The following TAS2R1 variants were observed in gnomAD, a reference collection of about 807,000 sequenced individuals.
TAS2R1 encodes taste 2 receptor member 1.
For missense variants in TAS2R1, 370 were observed against 353.4 expected, an observed-to-expected ratio of 1.05 and a Z score of -0.38; for synonymous variants, 141 against 134.2, an observed-to-expected ratio of 1.05 and a Z score of -0.35.
the TAS2R1 span, among the ~76,000 whole-genome samples, chr5:9,792,698 C>T: frequency 2.0e-5 from 3 of 151,908 alleles, no homozygotes; most frequent in Non-Finnish European, 4.4e-5. Flanking sequence ...AACATGGCAG[C>T]GATCATTAAT....
chr5:9,630,155 C>G lies in TAS2R1; in HGVS notation c.-123G>C. ...TGGGGAAGAAGACTAACAATAAAGG[C>G]ATGGGGCAGGAAGGTGGTGTACATT... On this transcript the variant is annotated 5_prime_UTR_variant, in exon 1 of 1. The change abolishes an upstream ATG in the 5' untranslated region. Coordinates refer to ENST00000382492, the MANE Select transcript of TAS2R1 (RefSeq NM_019599.3). 1 of 776,012 alleles carries G rather than the reference C, an allele frequency of 1.3e-6. No individual in the cohort carries two copies. The highest frequency in any genetic ancestry group is 3.9e-4 in the Middle Eastern group (1 of 2,578). 48.1% of individuals were successfully genotyped at this position (776,012 alleles called of 1,614,324 possible). A position where few individuals can be genotyped will look rare whatever the true frequency, so the allele number is the denominator to read the frequency against.
chr5:9,702,050 T>G (rs1011645812), intron 1 of TAS2R1, among the ~76,000 whole-genome samples: 2 of 152,182 alleles, frequency 1.3e-5, no homozygotes, highest in African/African-American at 4.8e-5. Flanking sequence ...TGAAATCCAC[T>G]CCTAGAGCTG....
chr5:9,761,001 G>A, the TAS2R1 span: 2 of 152,166 alleles, frequency 1.3e-5, no homozygotes, highest in African/African-American at 2.4e-5. Flanking sequence ...GGAGAAAACT[G>A]TCTTCATTCA....
upstream of TAS2R1, among the ~76,000 whole-genome samples, chr5:9,716,545 T>TTATATA (rs5865851): frequency 0.011 from 1,694 of 148,498 alleles, 24 homozygotes; most frequent in African/African-American, 0.04. Context: ...AGTACATATA[T>TTATATA]TATATATATA....
the TAS2R1 span, among the ~76,000 whole-genome samples, chr5:9,778,737 C>A: frequency 6.6e-6 from 1 of 152,250 alleles, no homozygotes; most frequent in Non-Finnish European, 1.5e-5. Flanking sequence ...AGTTTTCTCA[C>A]CTCTCTCAAA....
chr5:9,865,712 C>A, the TAS2R1 span, among the ~76,000 whole-genome samples: 4 of 152,204 alleles, frequency 2.6e-5, no homozygotes, highest in Non-Finnish European at 5.9e-5. Context: ...ATCACTTTAA[C>A]GAGATTATTC....
intron 1 of TAS2R1, among the ~76,000 whole-genome samples, chr5:9,677,941 C>T (rs908530837): frequency 6.6e-6 from 1 of 152,072 alleles, no homozygotes; most frequent in Non-Finnish European, 1.5e-5. Context: ...GTGGCTCATG[C>T]CTATAATCCC....
At chr5:9,900,936 G>A in the TAS2R1 span, among the ~76,000 whole-genome samples, 25 of 152,268 alleles carry the variant, frequency 1.6e-4, 1 homozygote, top group South Asian at 2.9e-3. Flanking sequence ...GCATTCAGCC[G>A]CAACAGAGCA....
At chr5:9,771,235 C>T in the TAS2R1 span, among the ~76,000 whole-genome samples, 1 of 151,666 alleles carries the variant, frequency 6.6e-6, no homozygotes, top group Admixed American at 6.6e-5. Context: ...AGATCTTTGC[C>T]AGATTTTGGC....
At chr5:9,767,345 T>C in the TAS2R1 span, among the ~76,000 whole-genome samples, 8 of 152,152 alleles carry the variant, frequency 5.3e-5, no homozygotes, top group African/African-American at 1.9e-4. Flanking sequence ...CTGACTTGTC[T>C]GAGCTGTCCA....
chr5:9,787,061 A>C, the TAS2R1 span, among the ~76,000 whole-genome samples: 13 of 152,124 alleles, frequency 8.5e-5, no homozygotes, highest in African/African-American at 3.1e-4. Flanking sequence ...TTTTGGCCCA[A>C]GTTTCTCCAC....
intron 1 of TAS2R1, among the ~76,000 whole-genome samples, chr5:9,677,463 T>G (rs1268934427): frequency 2.6e-5 from 4 of 151,406 alleles, no homozygotes; most frequent in Admixed American, 2.6e-4. Context: ...AAAAAAAAAT[T>G]TGCAGGCCTC....
intron 1 of TAS2R1, among the ~76,000 whole-genome samples, chr5:9,698,456 C>T (rs1474697527): frequency 6.6e-6 from 1 of 152,086 alleles, no homozygotes. Context: ...CCCAAAATTC[C>T]TGAGCGATAT....
At chr5:9,780,690 T>TGTGCGC in the TAS2R1 span, among the ~76,000 whole-genome samples, 8 of 151,888 alleles carry the variant, frequency 5.3e-5, no homozygotes, top group African/African-American at 1.9e-4. Flanking sequence ...TGTGTGTGTG[T>TGTGCGC]GCGCGCGCGC....
At chr5:9,885,710 G>T in the TAS2R1 span, among the ~76,000 whole-genome samples, 1 of 152,184 alleles carries the variant, frequency 6.6e-6, no homozygotes, top group South Asian at 2.1e-4. Context: ...AAAAATTAAT[G>T]TGGGAGGTGA....
the TAS2R1 span, among the ~76,000 whole-genome samples, chr5:9,821,603 C>G: frequency 1.3e-5 from 2 of 152,024 alleles, no homozygotes; most frequent in African/African-American, 2.4e-5. Context: ...GGTATGATTC[C>G]AAAGAGATGC....
the TAS2R1 span, among the ~76,000 whole-genome samples, chr5:9,733,892 G>A: frequency 3.0e-4 from 45 of 151,722 alleles, no homozygotes; most frequent in South Asian, 3.7e-3. Flanking sequence ...ATATTATGAA[G>A]TGTAAACATT....
chr5:9,673,054 T>A (rs1055734629), intron 1 of TAS2R1, among the ~76,000 whole-genome samples: 2 of 152,128 alleles, frequency 1.3e-5, no homozygotes, highest in Non-Finnish European at 2.9e-5. Flanking sequence ...GAAAACCACA[T>A]ATTGCATGTT....
the TAS2R1 span, among the ~76,000 whole-genome samples, chr5:9,886,456 CT>C: frequency 6.6e-6 from 1 of 151,728 alleles, no homozygotes; most frequent in East Asian, 1.9e-4. Flanking sequence ...CTCAGCCCCC[CT>C]AGTAGCTAGG....
Sources: gnomAD v4.1 joint callset for allele counts (sites outside exome capture counted in the v4.1 genomes callset) on GRCh38, gnomAD v4.1.1 for gene constraint, MANE v1.5 for transcripts, NCBI Gene and HGNC (gene_info 2026-07-23, HGNC 2026-07-21) for gene names.